CUX1: variants seen among roughly 807,000 people sequenced by gnomAD.
The protein encoded by CUX1 is cut like homeobox 1, also known as protein CASP.
In CUX1, 31 loss-of-function variants were observed where a neutral mutation model predicts 158.8. That is an observed-to-expected ratio of 0.20 (90% CI 0.15 to 0.26). The LOEUF (loss-of-function observed/expected upper bound fraction) is 0.26, where lower values mean the gene tolerates loss of function less well. CUX1 is among the 10% of genes least tolerant of loss of function. The probability of loss-of-function intolerance (pLI) is 1.00; values close to 1 mark genes in which losing one functional copy is unlikely to be tolerated. For missense variants in CUX1, 1,589 were observed against 2,014.6 expected (o/e 0.79, Z 4.04); for synonymous variants, 879 against 862.1 (o/e 1.02, Z -0.34).
Position 102,112,240 on chromosome 7 carries a change from C to CTTT in CUX1, c.607+467_607+468insTTT, listed in dbSNP as rs201695519. Among the ~76,000 whole-genome samples, 179 of 131,390 alleles carry CTTT rather than the reference C, an allele frequency of 1.4e-3. 4 individuals are homozygous for CTTT. Among genetic ancestry groups the CTTT allele is most frequent in the Middle Eastern group, 0.012 (3 of 242 alleles). The allele number at this position is 131,390 out of a possible 152,430, so 86.2% of individuals were successfully genotyped here. Reference sequence around the variant, plus strand: ...AGTATCTTTAAACTTCTTTCTCTCTCTCTTTTTTTTTTTTTTTTTGAGACG... The same window carrying CTTT: ...AGTATCTTTAAACTTCTTTCTCTCTCTTTTCTTTTTTTTTTTTTTTTTGAGACG... On this transcript the variant is annotated intron_variant, in intron 7 of 23. Transcript: ENST00000292535.
intron 1 of CUX1, among the ~76,000 whole-genome samples, chr7:101,878,346 T>C (rs1281061358): frequency 6.6e-6 from 1 of 152,182 alleles, no homozygotes; most frequent in Non-Finnish European, 1.5e-5. Context: ...GGGTGGGTCC[T>C]TTTAGAGACC....
rs1249025796 is a variant in CUX1 at position 102,251,782 on chromosome 7, A to C, written c.*2740A>C. 1 of 985,232 alleles carries C rather than the reference A, an allele frequency of 1.0e-6. No homozygotes were observed. Among genetic ancestry groups the C allele is most frequent in the Admixed American group, 6.1e-5 (1 of 16,262 alleles). The allele number at this position is 985,232 out of a possible 1,614,324, so 61.0% of individuals were successfully genotyped here. On this transcript the variant is annotated 3_prime_UTR_variant, in exon 24 of 24. Transcript: ENST00000292535. Reference sequence around the variant, plus strand: ...CTTTAAATATCGTCTAATTTTCATAAGAATGAAAAGAAGTTAACAGGAAAT... The same window carrying C: ...CTTTAAATATCGTCTAATTTTCATACGAATGAAAAGAAGTTAACAGGAAAT...
chr7:101,908,454 G>A (rs1054364594), intron 1 of CUX1, among the ~76,000 whole-genome samples: 2 of 22,948 alleles, frequency 8.7e-5, no homozygotes, highest in Non-Finnish European at 3.0e-4. Context: ...CCTGTTTTTT[G>A]TTTGTTTGTT....
At chr7:101,837,419 A>C (rs533897930) in intron 1 of CUX1, among the ~76,000 whole-genome samples, 2 of 152,322 alleles carry the variant, frequency 1.3e-5, no homozygotes, top group East Asian at 3.9e-4. Context: ...GAGTCTGTCA[A>C]CTCAGATGAG....
Position 102,135,602 on chromosome 7 carries a change from C to T in CUX1, c.674+20329C>T, listed in dbSNP as rs117090327. Among the ~76,000 whole-genome samples the T allele has an allele frequency of 4.6e-5, 7 of 151,596 alleles. No homozygotes were observed. The East Asian group carries it at 1.4e-3, about 29-fold the overall frequency. On this transcript the variant is annotated intron_variant, in intron 8 of 23. Transcript: ENST00000292535. The stretch of plus-strand genomic sequence containing the variant: ...GTGTGTGTGTGTATGTACACACACA[C>T]AAAAAATAATATATATAAAAACATG...
At chr7:102,273,559 AC>A in intron 15 of CUX1, 1 of 1,544,774 alleles carries the variant, frequency 6.5e-7, no homozygotes, top group Non-Finnish European at 8.8e-7. Flanking sequence ...CTCTGCAAAC[AC>A]TGACTTCCCA....
intron 1 of CUX1, among the ~76,000 whole-genome samples, chr7:101,904,020 C>T (rs542887139): frequency 1.3e-4 from 20 of 151,922 alleles, no homozygotes; most frequent in South Asian, 2.1e-4. Flanking sequence ...TAGCCAGGTC[C>T]GGTCACTCGC....
chr7:102,169,578 G>A (rs1289668995), intron 9 of CUX1, among the ~76,000 whole-genome samples: 1 of 152,228 alleles, frequency 6.6e-6, no homozygotes, highest in Non-Finnish European at 1.5e-5. Context: ...GGGCACTTCC[G>A]TGGCTAGGGA....
chr7:101,879,463 TAA>T (rs1240559759), intron 1 of CUX1, among the ~76,000 whole-genome samples: 1 of 152,270 alleles, frequency 6.6e-6, no homozygotes, highest in Admixed American at 6.5e-5. Context: ...TTTATTGTTC[TAA>T]ATCAATGCAT....
rs139051700 is a variant in CUX1, at chr7:101,987,440, A to G, written c.142-40658A>G. Reference sequence around the variant, plus strand: ...CGGAAGAAATGGTGAGTCCTGGAGCACTGCTTGCTTTGAAGTCTGTTTCAG... The same window carrying G: ...CGGAAGAAATGGTGAGTCCTGGAGCGCTGCTTGCTTTGAAGTCTGTTTCAG... On this transcript the variant is annotated intron_variant, in intron 2 of 23. Coordinates refer to ENST00000292535, the MANE Select transcript of CUX1 (RefSeq NM_181552.4). 4.5e-3 allele frequency among the ~76,000 whole-genome samples: 689 copies of G among 152,326 alleles called. 4 individuals are homozygous for G. The highest frequency in any genetic ancestry group is 0.016 in the African/African-American group (661 of 41,576).
chr7:101,834,044 C>T (rs1474973104), intron 1 of CUX1, among the ~76,000 whole-genome samples: 3 of 151,944 alleles, frequency 2.0e-5, no homozygotes, highest in East Asian at 1.9e-4. Flanking sequence ...TCTGTTGTCA[C>T]GATTCTTCCA....
intron 1 of CUX1, among the ~76,000 whole-genome samples, chr7:101,905,408 G>A (rs1000252463): frequency 2.6e-5 from 4 of 152,344 alleles, no homozygotes; most frequent in Non-Finnish European, 4.4e-5. Context: ...CCCTGTATGC[G>A]TTGTGGGAAA....
intron 22 of CUX1, among the ~76,000 whole-genome samples, chr7:102,236,409 GC>G (rs1177116461): frequency 1.3e-5 from 2 of 152,188 alleles, no homozygotes; most frequent in Non-Finnish European, 2.9e-5. Flanking sequence ...GTGCCACATT[GC>G]CCCCCTAAAA....
upstream of CUX1, chr7:101,817,421 C>T (rs981048909): frequency 7.1e-6 from 7 of 984,386 alleles, no homozygotes; most frequent in Middle Eastern, 5.2e-4. This position sits in a 1 kb window ranked among gnomAD's most constrained non-coding sequence, Gnocchi z 4.1. Flanking sequence ...CCGTTGGGAC[C>T]GTGGCATGCC....
At position 101,817,990 on chromosome 7, in the gene CUX1, C is replaced by T. The variant is rs936730092; in HGVS notation, c.30+321C>T. 2.0e-4 allele frequency among the ~76,000 whole-genome samples: 30 copies of T among 152,312 alleles called. No homozygotes were observed. The highest frequency in any genetic ancestry group is 6.7e-4 in the African/African-American group (28 of 41,560). On this transcript the variant is annotated intron_variant, in intron 1 of 23. Coordinates refer to ENST00000292535, the MANE Select transcript of CUX1 (RefSeq NM_181552.4). This position sits in a 1 kb window ranked among gnomAD's most constrained non-coding sequence, Gnocchi z 4.1. ...GGATTAAAACATATTTAAATGGAAT[C>T]TGACAACTTTAATTGTATATGCTTG...
intron 1 of CUX1, among the ~76,000 whole-genome samples, chr7:101,864,953 A>G (rs1476500052): frequency 6.6e-6 from 1 of 152,252 alleles, no homozygotes; most frequent in East Asian, 1.9e-4. Flanking sequence ...ATTTCTAAAA[A>G]AGTAAAAAAG....
intron 20 of CUX1, among the ~76,000 whole-genome samples, chr7:102,216,258 C>T (rs1312273901): frequency 1.3e-5 from 2 of 152,198 alleles, no homozygotes; most frequent in East Asian, 3.9e-4. Flanking sequence ...GTGGAGGTTG[C>T]AGTGAGCTGA....
rs1801186720 is a variant in CUX1, at chr7:102,249,099, C to G, written c.*57C>G. 8.3e-7 allele frequency: 1 copy of G among 1,208,080 alleles called. No individual in the cohort carries two copies. The highest frequency in any genetic ancestry group is 4.5e-5 in the Admixed American group (1 of 22,240). 74.8% of individuals were successfully genotyped at this position (1,208,080 alleles called of 1,614,324 possible). ...TGGGCCGCAAGGGCCTGGACGGGGT[C>G]GGACGGGGCAGGCGCTGCGGACACC... On this transcript the variant is annotated 3_prime_UTR_variant, in exon 24 of 24. Coordinates refer to ENST00000292535, the MANE Select transcript of CUX1 (RefSeq NM_181552.4).
rs782374253 is a variant in CUX1 at position 102,227,363 on chromosome 7, A to G, written c.3131-4A>G. 6.3e-7 allele frequency: 1 copy of G among 1,597,920 alleles called. No individual in the cohort carries two copies. The highest frequency in any genetic ancestry group is 8.6e-7 in the Non-Finnish European group (1 of 1,167,832). On this transcript the variant is annotated splice_region_variant and splice_polypyrimidine_tract_variant and intron_variant, in intron 20 of 23. Transcript: ENST00000292535. Reference sequence around the variant, plus strand: ...GCACGGTTTCTCGTGTGCTTTAATTACAGAAAGCACTCCAAAGACCTCCGC... The same window carrying G: ...GCACGGTTTCTCGTGTGCTTTAATTGCAGAAAGCACTCCAAAGACCTCCGC...
Sources: allele counts gnomAD v4.1 joint callset (sites outside exome capture counted in the v4.1 genomes callset), GRCh38; gene constraint gnomAD v4.1.1; non-coding constraint Gnocchi (gnomAD v3.1); transcripts MANE v1.5; gene names NCBI Gene and HGNC (gene_info 2026-07-23, HGNC 2026-07-21).